Variants in DGKB observed in about 807,000 individuals in gnomAD.
DGKB encodes 90 kDa diacylglycerol kinase.
A neutral mutation model predicts 114.3 loss-of-function variants in DGKB; 67 were observed. The observed-to-expected ratio is 0.59, with a 90% CI of 0.48 to 0.72. The LOEUF is 0.72. Ranked by LOEUF, DGKB falls within the 30% of genes least tolerant of loss-of-function variation. DGKB has a pLI of 0.00. For missense variants in DGKB, 907 were observed against 975.2 expected (o/e 0.93, Z 0.93); for synonymous variants, 398 against 323.1 (o/e 1.23, Z -2.49).
At chr7:14,459,890 G>C (rs1832816843) in intron 21 of DGKB, among the ~76,000 whole-genome samples, 1 of 152,158 alleles carries the variant, frequency 6.6e-6, no homozygotes, top group Admixed American at 6.5e-5. Flanking sequence ...CAGACTAACA[G>C]CAGATCTCTC....
intron 1 of DGKB, among the ~76,000 whole-genome samples, chr7:14,883,888 G>T (rs188092684): frequency 6.6e-6 from 1 of 151,974 alleles, no homozygotes; most frequent in African/African-American, 2.4e-5. Flanking sequence ...CAAACAAGTG[G>T]ATTAGTAGAA....
chr7:14,630,543 G>T (rs557549927), intron 13 of DGKB, among the ~76,000 whole-genome samples: 1 of 151,994 alleles, frequency 6.6e-6, no homozygotes, highest in Non-Finnish European at 1.5e-5. Flanking sequence ...TCTTTGGTCA[G>T]CTTTAGCTCC....
intron 1 of DGKB, among the ~76,000 whole-genome samples, chr7:14,847,061 C>A (rs888490329): frequency 6.6e-6 from 1 of 152,034 alleles, no homozygotes; most frequent in Non-Finnish European, 1.5e-5. Flanking sequence ...GAGGCCGAGG[C>A]GGGCGGATCA....
intron 19 of DGKB, among the ~76,000 whole-genome samples, chr7:14,580,224 A>G (rs1336333371): frequency 1.3e-5 from 2 of 152,212 alleles, no homozygotes; most frequent in East Asian, 1.9e-4. Context: ...CCAGCTTTAC[A>G]TGGCTGTGTC....
At chr7:14,284,409 G>A (rs1800490772) in intron 23 of DGKB, among the ~76,000 whole-genome samples, 1 of 144,608 alleles carries the variant, frequency 6.9e-6, no homozygotes, top group African/African-American at 2.9e-5. Context: ...TTACACTGTT[G>A]GTGGGACTGT....
At chr7:14,450,761 A>G (rs183443420) in intron 21 of DGKB, among the ~76,000 whole-genome samples, 1 of 152,184 alleles carries the variant, frequency 6.6e-6, no homozygotes, top group African/African-American at 2.4e-5. Context: ...TGTCCTATCA[A>G]GTGGATCTGA....
At chr7:14,807,358 G>C (rs925664438) in intron 2 of DGKB, among the ~76,000 whole-genome samples, 2 of 149,258 alleles carry the variant, frequency 1.3e-5, no homozygotes, top group South Asian at 2.1e-4. Flanking sequence ...AATAAATAAA[G>C]AATGAATAAA....
chr7:14,509,511 T>G (rs1020436704), intron 20 of DGKB, among the ~76,000 whole-genome samples: 1 of 152,170 alleles, frequency 6.6e-6, no homozygotes, highest in Non-Finnish European at 1.5e-5. Context: ...TCTTAAGTAG[T>G]TTAGACACAT....
chr7:14,450,626 G>C (rs1290177762), intron 21 of DGKB, among the ~76,000 whole-genome samples: 1 of 151,968 alleles, frequency 6.6e-6, no homozygotes, highest in Non-Finnish European at 1.5e-5. Context: ...GTAAAATATG[G>C]CAATCAAAGA....
At chr7:14,413,505 AGTTACGAG>A (rs1825227782) in intron 21 of DGKB, among the ~76,000 whole-genome samples, 1 of 152,190 alleles carries the variant, frequency 6.6e-6, no homozygotes, top group Non-Finnish European at 1.5e-5. Flanking sequence ...TGTATATAAA[AGTTACGAG>A]GTTACATATG....
intron 17 of DGKB, among the ~76,000 whole-genome samples, chr7:14,590,228 T>C (rs1801482832): frequency 6.6e-6 from 1 of 152,124 alleles, no homozygotes; most frequent in South Asian, 2.1e-4. Context: ...TAACTATTCT[T>C]AAAATTTATG....
At chr7:14,243,285 G>A (rs1333556026) in intron 23 of DGKB, among the ~76,000 whole-genome samples, 1 of 152,156 alleles carries the variant, frequency 6.6e-6, no homozygotes, top group African/African-American at 2.4e-5. Context: ...GAATTGTGCA[G>A]TGGTGACTCT....
At chr7:14,290,770 T>C (rs1801633423) in intron 23 of DGKB, among the ~76,000 whole-genome samples, 1 of 152,092 alleles carries the variant, frequency 6.6e-6, no homozygotes, top group Admixed American at 6.6e-5. Context: ...TGGACAATAA[T>C]ATAGTTTACC....
chr7:14,302,553 T>G (rs1360665572), intron 23 of DGKB, among the ~76,000 whole-genome samples: 1 of 152,108 alleles, frequency 6.6e-6, no homozygotes, highest in Non-Finnish European at 1.5e-5. Flanking sequence ...TACATGGAAT[T>G]CCTTGCTCTT....
chr7:14,825,050 A>ATATC (rs1845506807), intron 2 of DGKB, among the ~76,000 whole-genome samples: 1 of 138,546 alleles, frequency 7.2e-6, no homozygotes, highest in Non-Finnish European at 1.5e-5. Context: ...ATATATATAT[A>ATATC]TATATATCAC....
Position 14,685,272 on chromosome 7 carries a change from C to A in DGKB, c.802G>T (p.Val268Leu), listed in dbSNP as rs774549823. The change falls in exon 10 of 26, where the codon GTG (valine) becomes TTG (leucine). Residue 268 changes from valine to leucine, a missense_variant. Transcript: ENST00000402815. ...GAACAGCAGAGGCCCTGCTTCCCCA[C>A]GCCAATCAGCATGTTCAGGCAAAGG... ...CNLCLNMLIG[V>L]GKQGLCCSFC... 1 of 1,613,608 alleles carries A rather than the reference C, an allele frequency of 6.2e-7. No homozygotes were observed. Among genetic ancestry groups the A allele is most frequent in the Non-Finnish European group, 8.5e-7 (1 of 1,179,594 alleles).
chr7:14,208,010 T>G (rs10240257), intron 23 of DGKB, among the ~76,000 whole-genome samples: 69,890 of 151,908 alleles, frequency 0.46, 18,995 homozygotes, highest in African/African-American at 0.76. Flanking sequence ...CTCTATGATA[T>G]TCTCAGTAAA....
chr7:14,355,703 A>G (rs564314708), intron 21 of DGKB, among the ~76,000 whole-genome samples: 1 of 152,294 alleles, frequency 6.6e-6, no homozygotes, highest in South Asian at 2.1e-4. Flanking sequence ...GGACTTTTGC[A>G]TCGATCTTCA....
At chr7:14,654,118 T>G (rs994270948) in intron 13 of DGKB, among the ~76,000 whole-genome samples, 6 of 152,000 alleles carry the variant, frequency 3.9e-5, no homozygotes, top group African/African-American at 1.4e-4. Context: ...AATGAGATAA[T>G]CTTACATATA....
Sources: gnomAD v4.1 joint callset for allele counts (sites outside exome capture counted in the v4.1 genomes callset) on GRCh38, gnomAD v4.1.1 for gene constraint, MANE v1.5 for transcripts, NCBI Gene and HGNC (gene_info 2026-07-23, HGNC 2026-07-21) for gene names.